The following CTNND2 variants were observed in gnomAD, a reference collection of about 807,000 sequenced individuals.
CTNND2 encodes catenin delta-2.
Under a neutral mutation model 144.4 loss-of-function variants are expected in CTNND2, and 22 were observed. The ratio of observed to expected loss-of-function variants is 0.15; its 90% confidence interval spans 0.11 to 0.22. The LOEUF (loss-of-function observed/expected upper bound fraction) is 0.22, where lower values mean the gene tolerates loss of function less well. Ranked by LOEUF, CTNND2 falls within the 10% of genes least tolerant of loss-of-function variation. CTNND2 has a pLI of 1.00. For missense variants in CTNND2, 1,353 were observed against 1,618.8 expected, an observed-to-expected ratio of 0.84 and a Z score of 2.82; for synonymous variants, 751 against 695.6, an observed-to-expected ratio of 1.08 and a Z score of -1.25.
At chr5:11,337,554 A>G (rs1332037265) in intron 9 of CTNND2, among the ~76,000 whole-genome samples, 1 of 152,240 alleles carries the variant, frequency 6.6e-6, no homozygotes, top group Non-Finnish European at 1.5e-5. Context: ...CATAGATAAC[A>G]CATGCATATC....
chr5:11,113,585 T>C (rs376964804), intron 13 of CTNND2, among the ~76,000 whole-genome samples: 20 of 152,028 alleles, frequency 1.3e-4, no homozygotes, highest in African/African-American at 4.1e-4. Flanking sequence ...TTAGAAGGGG[T>C]GAAACAATGA....
At chr5:11,055,054 C>A (rs1388506345) in intron 16 of CTNND2, among the ~76,000 whole-genome samples, 2 of 152,128 alleles carry the variant, frequency 1.3e-5, no homozygotes, top group Admixed American at 1.3e-4. Flanking sequence ...GGAATGCTGG[C>A]TTGAAGTGTG....
chr5:11,631,804 A>G (rs6860746), intron 2 of CTNND2, among the ~76,000 whole-genome samples: 78,003 of 151,944 alleles, frequency 0.51, 20,830 homozygotes, highest in Middle Eastern at 0.71. Context: ...TCCTCAGGAG[A>G]AGATTCTATG....
intron 1 of CTNND2, among the ~76,000 whole-genome samples, chr5:11,828,798 G>A (rs1793738539): frequency 6.6e-6 from 1 of 152,178 alleles, no homozygotes; most frequent in Non-Finnish European, 1.5e-5. Flanking sequence ...AGTGACTTTG[G>A]AACTGGGAAA....
intron 12 of CTNND2, among the ~76,000 whole-genome samples, chr5:11,147,293 G>A (rs1273297370): frequency 1.3e-5 from 2 of 152,142 alleles, no homozygotes; most frequent in Non-Finnish European, 2.9e-5. Flanking sequence ...AGAGAAGGCC[G>A]AATATATACG....
chr5:11,308,847 C>A (rs928546178), intron 9 of CTNND2, among the ~76,000 whole-genome samples: 1 of 152,146 alleles, frequency 6.6e-6, no homozygotes, highest in African/African-American at 2.4e-5. Flanking sequence ...GTTTACTCAG[C>A]TCACAGTTCC....
intron 12 of CTNND2, among the ~76,000 whole-genome samples, chr5:11,128,207 G>T (rs774764304): frequency 2.7e-4 from 41 of 152,030 alleles, no homozygotes; most frequent in Non-Finnish European, 4.4e-4. Flanking sequence ...GCTCCCAGCT[G>T]CTAGCTTCAA....
chr5:11,771,784 G>A (rs1473898825), intron 1 of CTNND2, among the ~76,000 whole-genome samples: 1 of 152,168 alleles, frequency 6.6e-6, no homozygotes, highest in Non-Finnish European at 1.5e-5. Flanking sequence ...AAAGAGATTA[G>A]AATGGAAACC....
intron 6 of CTNND2, among the ~76,000 whole-genome samples, chr5:11,390,938 A>C (rs758271812): frequency 1.3e-4 from 20 of 152,308 alleles, no homozygotes; most frequent in Non-Finnish European, 2.9e-4. Context: ...GCACAGGGTT[A>C]TGACAGGTGC....
chr5:11,485,388 TGCGC>T, intron 3 of CTNND2, among the ~76,000 whole-genome samples: 1 of 128,042 alleles, frequency 7.8e-6, no homozygotes, highest in South Asian at 2.5e-4. Context: ...CGCGCGCGCG[TGCGC>T]GCGCACATTC....
intron 8 of CTNND2, among the ~76,000 whole-genome samples, chr5:11,348,246 T>C (rs1754990303): frequency 6.6e-6 from 1 of 152,122 alleles, no homozygotes; most frequent in South Asian, 2.1e-4. Flanking sequence ...GATTTATCGT[T>C]TCTCCAAAGT....
chr5:11,042,038 T>C (rs1429793093), intron 16 of CTNND2, among the ~76,000 whole-genome samples: 1 of 149,570 alleles, frequency 6.7e-6, no homozygotes, highest in African/African-American at 2.6e-5. Flanking sequence ...GAGAAACTTA[T>C]GAGAATAGAG....
At chr5:11,374,775 C>CA (rs1332666095) in intron 7 of CTNND2, among the ~76,000 whole-genome samples, 2 of 99,380 alleles carry the variant, frequency 2.0e-5, no homozygotes, top group Non-Finnish European at 4.1e-5. Context: ...TCCCAATCTA[C>CA]TTTTTTTTTT....
intron 2 of CTNND2, among the ~76,000 whole-genome samples, chr5:11,656,418 G>GAC (rs1782915698): frequency 6.8e-6 from 1 of 146,812 alleles, no homozygotes; most frequent in East Asian, 2.0e-4. Flanking sequence ...AACACTCCCA[G>GAC]AAAAAAAAAA....
intron 9 of CTNND2, among the ~76,000 whole-genome samples, chr5:11,327,658 G>C (rs747365714): frequency 6.6e-6 from 1 of 152,162 alleles, no homozygotes; most frequent in Non-Finnish European, 1.5e-5. Context: ...GGTCAAACAG[G>C]AGTAACATCA....
At chr5:11,805,573 G>A (rs1003558777) in intron 1 of CTNND2, among the ~76,000 whole-genome samples, 2 of 151,858 alleles carry the variant, frequency 1.3e-5, no homozygotes, top group African/African-American at 2.4e-5. Flanking sequence ...ATATGTCAAA[G>A]CCACTCAGTA....
At chr5:11,099,437 T>C (rs1238288441) in intron 14 of CTNND2, among the ~76,000 whole-genome samples, 3 of 152,192 alleles carry the variant, frequency 2.0e-5, no homozygotes, top group African/African-American at 4.8e-5. Flanking sequence ...TTAGAAATTA[T>C]GGCTTACACG....
chr5:11,903,858 C>T lies in CTNND2; in HGVS notation c.-5G>A, dbSNP rs1211301423. The T allele has an allele frequency of 2.7e-6, 4 of 1,480,504 alleles. No individual in the cohort carries two copies. The Admixed American group carries it at 6.9e-5, about 25-fold the overall frequency. 91.7% of individuals were successfully genotyped at this position (1,480,504 alleles called of 1,614,324 possible). A position where few individuals can be genotyped will look rare whatever the true frequency, so the allele number is the denominator to read the frequency against. ...CGGCGGCTTCCTCGCAAACATGCACCCTCCGCCGGCGACAGCTCCTCAGTC... is the reference window on the plus strand; with the variant it reads ...CGGCGGCTTCCTCGCAAACATGCACTCTCCGCCGGCGACAGCTCCTCAGTC... On this transcript the variant is annotated 5_prime_UTR_variant, in exon 1 of 22. Transcript: ENST00000304623. This position sits in a 1 kb window ranked among gnomAD's most constrained non-coding sequence, Gnocchi z 5.4.
At chr5:11,416,917 A>T (rs1370741875) in intron 3 of CTNND2, among the ~76,000 whole-genome samples, 2 of 152,202 alleles carry the variant, frequency 1.3e-5, no homozygotes, top group Non-Finnish European at 2.9e-5. Flanking sequence ...CCTAAATATA[A>T]GATCCAGAAC....
Sources: gnomAD v4.1 joint callset for allele counts (sites outside exome capture counted in the v4.1 genomes callset) on GRCh38, gnomAD v4.1.1 for gene constraint, Gnocchi (gnomAD v3.1) non-coding constraint, MANE v1.5 for transcripts, NCBI Gene and HGNC (gene_info 2026-07-23, HGNC 2026-07-21) for gene names.